Variants in SUGCT observed in about 807,000 individuals in gnomAD.
SUGCT encodes the protein succinyl-CoA:glutarate-CoA transferase, also known as succinyl-CoA:glutarate CoA-transferase.
SUGCT carries 41 observed loss-of-function variants against 55.0 expected under a neutral mutation model. That is an observed-to-expected ratio of 0.74 (90% CI 0.58 to 0.97). The LOEUF is 0.97. SUGCT is among the 50% of genes least tolerant of loss of function. SUGCT has a pLI of 0.00. For synonymous variants in SUGCT, 187 were observed against 200.4 expected, an observed-to-expected ratio of 0.93 and a Z score of 0.56; for missense variants, 568 against 547.8, an observed-to-expected ratio of 1.04 and a Z score of -0.37.
intron 11 of SUGCT, among the ~76,000 whole-genome samples, chr7:40,489,258 T>G (rs987716298): frequency 2.6e-5 from 4 of 151,962 alleles, no homozygotes; most frequent in African/African-American, 9.7e-5. Context: ...TTTTTTTTTT[T>G]TGGGGTGGGG....
chr7:40,393,963 C>T (rs1282065212), intron 9 of SUGCT, among the ~76,000 whole-genome samples: 1 of 152,182 alleles, frequency 6.6e-6, no homozygotes, highest in African/African-American at 2.4e-5. Flanking sequence ...ACAAAAGCAA[C>T]CAAAGAATTG....
At chr7:40,786,675 A>C (rs77426612) in intron 13 of SUGCT, among the ~76,000 whole-genome samples, 4,484 of 152,246 alleles carry the variant, frequency 0.029, 244 homozygotes, top group African/African-American at 0.1. Flanking sequence ...AGCTGAGGTA[A>C]GTATACAGGA....
chr7:40,271,981 GA>G (rs1792049569), intron 7 of SUGCT, among the ~76,000 whole-genome samples: 1 of 150,854 alleles, frequency 6.6e-6, no homozygotes, highest in Non-Finnish European at 1.5e-5. Flanking sequence ...GTCCTCCAGT[GA>G]CATCCATATT....
chr7:40,732,024 C>T (rs1207568733), intron 12 of SUGCT, among the ~76,000 whole-genome samples: 1 of 152,140 alleles, frequency 6.6e-6, no homozygotes, highest in Non-Finnish European at 1.5e-5. Context: ...AGCTAGGATA[C>T]AGTTTGTTTT....
intron 12 of SUGCT, among the ~76,000 whole-genome samples, chr7:40,611,658 TC>T (rs1665519466): frequency 6.6e-6 from 1 of 152,200 alleles, no homozygotes; most frequent in South Asian, 2.1e-4. Flanking sequence ...AATAGCTAAC[TC>T]TTTTTGGGTA....
At chr7:40,669,420 C>T (rs1277505462) in intron 12 of SUGCT, among the ~76,000 whole-genome samples, 1 of 147,080 alleles carries the variant, frequency 6.8e-6, no homozygotes, top group Non-Finnish European at 1.5e-5. Context: ...TGAAAACAGA[C>T]ACTCAATAGA....
chr7:40,854,207 A>G (rs1451605765), intron 13 of SUGCT, among the ~76,000 whole-genome samples: 2 of 152,076 alleles, frequency 1.3e-5, no homozygotes, highest in Admixed American at 6.5e-5. Context: ...ACTTATTATT[A>G]TATTTTTCCA....
chr7:40,650,057 G>T (rs1039407515), intron 12 of SUGCT, among the ~76,000 whole-genome samples: 1 of 152,160 alleles, frequency 6.6e-6, no homozygotes, highest in Non-Finnish European at 1.5e-5. Flanking sequence ...GGTTCAAATG[G>T]GGGGAATTTG....
chr7:40,964,557 A>T, the SUGCT span: 1 of 152,222 alleles, frequency 6.6e-6, no homozygotes. Flanking sequence ...CATAGTGAAA[A>T]GTAGCCAATG....
intron 13 of SUGCT, among the ~76,000 whole-genome samples, chr7:40,846,274 T>C (rs969809052): frequency 5.9e-5 from 9 of 152,140 alleles, no homozygotes; most frequent in African/African-American, 2.2e-4. Flanking sequence ...AGAGGAAGAA[T>C]TGATTATTTT....
At chr7:40,656,040 A>G (rs1298072127) in intron 12 of SUGCT, among the ~76,000 whole-genome samples, 2 of 152,184 alleles carry the variant, frequency 1.3e-5, no homozygotes, top group African/African-American at 2.4e-5. Flanking sequence ...GATAGTCATA[A>G]TTGTTTGTTG....
At chr7:40,437,048 C>T (rs923045985) in intron 9 of SUGCT, among the ~76,000 whole-genome samples, 4 of 152,278 alleles carry the variant, frequency 2.6e-5, no homozygotes, top group Admixed American at 6.5e-5. Flanking sequence ...GGAAGAAAAA[C>T]TCTGTGTCAT....
At chr7:40,635,929 G>T (rs1800003395) in intron 12 of SUGCT, among the ~76,000 whole-genome samples, 1 of 152,054 alleles carries the variant, frequency 6.6e-6, no homozygotes, top group Non-Finnish European at 1.5e-5. Flanking sequence ...CAGCCATATT[G>T]TCTCCAGGAT....
At chr7:40,379,737 A>AGTCTT (rs1337244293) in intron 9 of SUGCT, among the ~76,000 whole-genome samples, 3 of 152,122 alleles carry the variant, frequency 2.0e-5, no homozygotes, top group Non-Finnish European at 4.4e-5. Flanking sequence ...CTTCTGCCTT[A>AGTCTT]GTCTTTACCT....
chr7:40,239,475 T>TCCATA (rs1337238504), intron 7 of SUGCT, among the ~76,000 whole-genome samples: 1 of 152,234 alleles, frequency 6.6e-6, no homozygotes, highest in African/African-American at 2.4e-5. Context: ...GGCTCTCATG[T>TCCATA]GGCCAAGACA....
At chr7:40,861,683 G>C (rs1156420053), downstream of SUGCT, among the ~76,000 whole-genome samples, 1 of 152,244 alleles carries the variant, frequency 6.6e-6, no homozygotes, top group Middle Eastern at 3.4e-3. Flanking sequence ...ATGCTGTAAG[G>C]CCTAAGATGT....
chr7:40,394,229 T>G (rs1166064675), intron 9 of SUGCT, among the ~76,000 whole-genome samples: 3 of 152,126 alleles, frequency 2.0e-5, no homozygotes, highest in Non-Finnish European at 2.9e-5. Flanking sequence ...ATCATCAATA[T>G]TTTTAAAATC....
chr7:40,863,064 C>A (rs1794523240), downstream of SUGCT, among the ~76,000 whole-genome samples: 1 of 152,046 alleles, frequency 6.6e-6, no homozygotes, highest in African/African-American at 2.4e-5. Flanking sequence ...CATGGTGAAA[C>A]CCCGTCTCTA....
At chr7:40,261,382 G>A (rs750456116) in intron 7 of SUGCT, among the ~76,000 whole-genome samples, 4 of 152,070 alleles carry the variant, frequency 2.6e-5, no homozygotes, top group Non-Finnish European at 5.9e-5. Flanking sequence ...AAAGATCTTG[G>A]GCCTTCAGAC....
Sources: gnomAD v4.1 joint callset for allele counts (sites outside exome capture counted in the v4.1 genomes callset) on GRCh38, gnomAD v4.1.1 for gene constraint, MANE v1.5 for transcripts, NCBI Gene and HGNC (gene_info 2026-07-23, HGNC 2026-07-21) for gene names.